DHX34: variants seen among roughly 807,000 people sequenced by gnomAD.
DHX34 encodes probable ATP-dependent RNA helicase DHX34.
A neutral mutation model predicts 111.1 loss-of-function variants in DHX34; 96 were observed. That is an observed-to-expected ratio of 0.86 (90% confidence interval 0.73 to 1.02). The LOEUF is 1.02. Ranked by LOEUF, DHX34 falls within the 50% of genes least tolerant of loss-of-function variation. The pLI, the probability that DHX34 is intolerant of heterozygous loss-of-function variation, is 0.00. For synonymous variants in DHX34, 688 were observed against 670.4 expected, an observed-to-expected ratio of 1.03 and a Z score of -0.41; for missense variants, 1,560 against 1,579.9, an observed-to-expected ratio of 0.99 and a Z score of 0.21.
intron 2 of DHX34, chr19:47,354,828 A>G: frequency 1.1e-5 from 5 of 455,168 alleles, no homozygotes; most frequent in Non-Finnish European, 1.4e-5. Flanking sequence ...TTTTGTTTGT[A>G]TTTTTAGTAG....
Position 47,382,158 on chromosome 19 carries a change from T to C in DHX34, c.*45T>C, listed in dbSNP as rs777963870. The stretch of plus-strand genomic sequence containing the variant: ...CCACCTCCGTGCAGCTGACCTGCCC[T>C]CCAGCCCAGGACTAGGGGCAGGACT... On this transcript the variant is annotated 3_prime_UTR_variant, in exon 17 of 17. Transcript: ENST00000328771. 37 of 1,608,438 alleles carry C rather than the reference T, an allele frequency of 2.3e-5. No homozygotes were observed. The African/African-American group carries it at 2.4e-4, about 10-fold the overall frequency.
At chr19:47,381,595 G>A (rs1332136036) in intron 16 of DHX34, 2 of 591,802 alleles carry the variant, frequency 3.4e-6, no homozygotes, top group South Asian at 2.3e-5. Context: ...CTGTGGCTAT[G>A]TCTCTTGTTA....
intron 10 of DHX34, 92 bp from the exon 11 acceptor site, chr19:47,375,832 G>A (rs1223502630): frequency 2.6e-6 from 4 of 1,543,472 alleles, no homozygotes; most frequent in Non-Finnish European, 3.5e-6. Flanking sequence ...GACGGTGCTT[G>A]GTCCCAGGTA....
intron 13 of DHX34, among the ~76,000 whole-genome samples, chr19:47,378,530 G>T (rs984089666): frequency 1.6e-4 from 25 of 152,300 alleles, no homozygotes; most frequent in African/African-American, 5.5e-4. Flanking sequence ...CTCTCTCCCT[G>T]CACTGGACTG....
chr19:47,380,840 A>G lies in DHX34; in HGVS notation c.3007A>G (p.Thr1003Ala), dbSNP rs2122385504. 1 of 1,613,816 alleles carries G rather than the reference A, an allele frequency of 6.2e-7. No individual in the cohort carries two copies. Among genetic ancestry groups the G allele is most frequent in the African/African-American group, 1.3e-5 (1 of 74,970 alleles). Residue 1003 changes from threonine (T) to alanine (A), a missense_variant, in exon 15 of 17, where the codon ACA becomes GCA. By Grantham distance (58) the Thr-to-Ala change is moderately conservative. Transcript: ENST00000328771. ...GATTCCTTACAGCCTCCGGCGGCTC[A>G]CAGGGCTAGAAGTCCAGAACATGTA... The part of the protein sequence containing the change: ...SKIPYSLRRL[T>A]GLEVQNMYVG...
chr19:47,351,428 A>G (rs1568391411), intron 1 of DHX34, among the ~76,000 whole-genome samples: 1 of 151,872 alleles, frequency 6.6e-6, no homozygotes, highest in Non-Finnish European at 1.5e-5. Context: ...TGTAAGCAAA[A>G]AGGCATTTTC....
intron 4 of DHX34, among the ~76,000 whole-genome samples, chr19:47,358,775 C>T (rs997467369): frequency 3.3e-5 from 5 of 152,096 alleles, no homozygotes; most frequent in Non-Finnish European, 5.9e-5. Flanking sequence ...CCACCACGTC[C>T]GGCTAATCTT....
At chr19:47,373,449 C>T in intron 8 of DHX34, 150 bp from the exon 9 acceptor site, 1 of 1,444,038 alleles carries the variant, frequency 6.9e-7, no homozygotes, top group East Asian at 2.5e-5. Flanking sequence ...GGAGGGCTTC[C>T]CATAGGAGGG....
At chr19:47,376,201 C>A in intron 11 of DHX34, 104 bp downstream of exon 11, 1 of 1,476,086 alleles carries the variant, frequency 6.8e-7, no homozygotes, top group South Asian at 1.4e-5. Flanking sequence ...AACCCTGGTT[C>A]TGTCCCCATG....
intron 14 of DHX34, among the ~76,000 whole-genome samples, chr19:47,380,235 C>T (rs1330825920): frequency 6.6e-6 from 1 of 152,206 alleles, no homozygotes; most frequent in African/African-American, 2.4e-5. Flanking sequence ...GCACCTTCTG[C>T]AAGCGTGGCT....
chr19:47,364,431 C>CT (rs1969729807), intron 6 of DHX34, among the ~76,000 whole-genome samples: 1 of 151,718 alleles, frequency 6.6e-6, no homozygotes, highest in Admixed American at 6.6e-5. Flanking sequence ...TTGATTTCAT[C>CT]TTTTAAAAAA....
chr19:47,378,696 C>T (rs916554348), intron 13 of DHX34, among the ~76,000 whole-genome samples: 5 of 152,002 alleles, frequency 3.3e-5, no homozygotes, highest in East Asian at 1.9e-4. Context: ...GTTAGCTGGG[C>T]GTGGTGTTGT....
At chr19:47,363,147 G>C (rs966308594) in intron 6 of DHX34, among the ~76,000 whole-genome samples, 1 of 151,824 alleles carries the variant, frequency 6.6e-6, no homozygotes, top group Non-Finnish European at 1.5e-5. Context: ...GTAGAGATGG[G>C]GTTACACCAT....
rs113958742 is a variant in DHX34, at chr19:47,381,206, C to T, written c.3180C>T (p.Ser1060=). 0.012 allele frequency: 19,685 copies of T among 1,614,010 alleles called. 154 individuals carry two copies. Among genetic ancestry groups the T allele is most frequent in the Non-Finnish European group, 0.014 (16,790 of 1,179,906 alleles). The change falls in exon 16 of 17, where the codon AGC becomes AGT. Residue 1060 remains serine (S), a synonymous_variant. Coordinates refer to ENST00000328771, the MANE Select transcript of DHX34 (RefSeq NM_014681.6). Reference sequence around the variant, plus strand: ...CACAGAATGACACAGACCTGTACAGCGACTGTCTCCGAACCTTCTGGACCT... The same window carrying T: ...CACAGAATGACACAGACCTGTACAGTGACTGTCTCCGAACCTTCTGGACCT... The part of the protein sequence containing the change: ...NCLTNDTDLY[S]DCLRTFWTCP...
rs561228545 is a variant in DHX34 at position 47,372,892 on chromosome 19, C to T, written c.1931C>T (p.Thr644Met). 3.6e-5 allele frequency: 58 copies of T among 1,606,376 alleles called. No individual in the cohort carries two copies. The highest frequency in any genetic ancestry group is 1.7e-4 in the Middle Eastern group (1 of 6,042). The change falls in exon 8 of 17, where the codon ACG becomes ATG. Residue 644 changes from threonine to methionine, a missense_variant. By Grantham distance (81) the Thr-to-Met change is moderately conservative. Coordinates refer to ENST00000328771, the MANE Select transcript of DHX34 (RefSeq NM_014681.6). ...GAGAGCGACCAGGGTGACCCCTTCA[C>T]GCTCTTCAACGTCTTCAACGCCTGG... is the stretch of plus-strand genomic sequence containing the variant. ...PLESDQGDPF[T>M]LFNVFNAWVQ... is the part of the protein sequence containing the mutation.
At chr19:47,367,188 GC>G in intron 7 of DHX34, 33 bp downstream of exon 7, 1 of 1,415,580 alleles carries the variant, frequency 7.1e-7, no homozygotes, top group Non-Finnish European at 9.3e-7. Context: ...ATCACTCAGG[GC>G]CCCAGGAGCG....
intron 2 of DHX34, among the ~76,000 whole-genome samples, chr19:47,354,496 A>G (rs1390809855): frequency 2.0e-5 from 3 of 152,358 alleles, no homozygotes; most frequent in South Asian, 4.1e-4. Context: ...GCATTGTCAC[A>G]TGGAATTCTC....
intron 1 of DHX34, among the ~76,000 whole-genome samples, chr19:47,350,747 A>G (rs1969260717): frequency 1.3e-5 from 2 of 152,156 alleles, no homozygotes; most frequent in East Asian, 3.9e-4. Context: ...TTTAATGAGA[A>G]AGATGGAGAA....
At position 47,372,833 on chromosome 19, in the gene DHX34, C is replaced by A. The variant is rs140315831; in HGVS notation, c.1872C>A (p.Ser624Arg). 1.2e-4 allele frequency: 189 copies of A among 1,612,316 alleles called. No individual in the cohort carries two copies. Among genetic ancestry groups the A allele is most frequent in the Non-Finnish European group, 1.6e-4 (183 of 1,179,346 alleles). ...VQSPFTRSAQ[S>R]SPECAAARRP... ...CGCCCTTCACCCGCAGCGCCCAGAG[C>A]AGCCCAGAGTGCGCGGCAGCACGGC... Residue 624 changes from serine (S) to arginine (R), a missense_variant, in exon 8 of 17, where the codon AGC becomes AGA. By Grantham distance (110) the Ser-to-Arg change is moderately radical. Coordinates refer to ENST00000328771, the MANE Select transcript of DHX34 (RefSeq NM_014681.6).
Sources: allele counts gnomAD v4.1 joint callset (sites outside exome capture counted in the v4.1 genomes callset), GRCh38; gene constraint gnomAD v4.1.1; transcripts MANE v1.5; gene names NCBI Gene and HGNC (gene_info 2026-07-23, HGNC 2026-07-21).